Variants in BMP3 observed in about 807,000 individuals in gnomAD.
BMP3 encodes bone morphogenetic protein 3 (osteogenic).
A neutral mutation model predicts 38.1 loss-of-function variants in BMP3; 23 were observed. The ratio of observed to expected loss-of-function variants is 0.60; its 90% confidence interval spans 0.43 to 0.86. BMP3 has a LOEUF of 0.86. Among genes scored for constraint, BMP3 ranks in the 40% least tolerant of loss-of-function variants. The pLI, the probability that BMP3 is intolerant of heterozygous loss-of-function variation, is 0.00. For missense variants in BMP3, 628 were observed against 579.6 expected (o/e 1.08, Z -0.86); for synonymous variants, 258 against 225.7 (o/e 1.14, Z -1.28).
intron 1 of BMP3, among the ~76,000 whole-genome samples, chr4:81,036,057 G>A (rs568241054): frequency 7.9e-5 from 12 of 151,932 alleles, no homozygotes; most frequent in African/African-American, 2.4e-4. Context: ...TGTCATAAAC[G>A]TCTCTGAATG....
intron 1 of BMP3, 96 bp downstream of exon 1, chr4:81,031,696 G>T: frequency 7.2e-7 from 1 of 1,380,580 alleles, no homozygotes; most frequent in Non-Finnish European, 9.6e-7. Flanking sequence ...GCTTGGTGGC[G>T]CTGCCTAGGG....
In BMP3 at chr4:81,031,573, G is replaced by T. The variant is rs371721478; in HGVS notation, c.289G>T (p.Val97Phe). The T allele has an allele frequency of 2.5e-6, 4 of 1,605,732 alleles. No individual in the cohort carries two copies. Among genetic ancestry groups the T allele is most frequent in the Admixed American group, 1.7e-5 (1 of 59,252 alleles). The change falls in exon 1 of 3, where the codon GTT (valine) becomes TTT (phenylalanine). Residue 97 changes from valine to phenylalanine, a missense_variant. By Grantham distance (50) the Val-to-Phe change is conservative. Coordinates refer to ENST00000282701, the MANE Select transcript of BMP3 (RefSeq NM_001201.5). ...TCGGCTCCTGCGCGAAGGCAACACG[G>T]TTCGCAGCTTTCGGGCGGCAGCAGC... ...RPRLLREGNT[V>F]RSFRAAAAET...
chr4:81,031,310 T>C lies in BMP3; in HGVS notation c.26T>C (p.Phe9Ser). Residue 9 changes from phenylalanine to serine, a missense_variant, in exon 1 of 3, where the codon TTT becomes TCT. Phe to Ser is a radical substitution (Grantham distance 155). Transcript: ENST00000282701. Reference protein sequence around the residue: MAGASRLLFLWLGCFCVSL... With the variant: MAGASRLLSLWLGCFCVSL... Reference sequence around the variant, plus strand: ...ATGGCTGGGGCGAGCAGGCTGCTCTTTCTGTGGCTGGGCTGCTTCTGCGTG... The same window carrying C: ...ATGGCTGGGGCGAGCAGGCTGCTCTCTCTGTGGCTGGGCTGCTTCTGCGTG... 1 of 1,609,886 alleles carries C rather than the reference T, an allele frequency of 6.2e-7. No individual in the cohort carries two copies. The highest frequency in any genetic ancestry group is 8.5e-7 in the Non-Finnish European group (1 of 1,178,308).
At chr4:81,047,947 G>GAAAA (rs3042535) in intron 2 of BMP3, among the ~76,000 whole-genome samples, 31 of 91,508 alleles carry the variant, frequency 3.4e-4, no homozygotes, top group South Asian at 3.8e-4. Flanking sequence ...ACTCTGAAGA[G>GAAAA]AAAAAAAAAA....
intron 1 of BMP3, among the ~76,000 whole-genome samples, chr4:81,040,045 G>C (rs1740028199): frequency 6.6e-6 from 1 of 152,168 alleles, no homozygotes; most frequent in Admixed American, 6.5e-5. Flanking sequence ...CAGGTGCAAA[G>C]TCCCAACAAG....
rs151265807 is a variant in BMP3 at position 81,038,109 on chromosome 4, A to T, written c.316+6509A>T. ...TGATTATCATGTTATTCCTGATCTCATCTGGCCCTTTTAGTGGGCCTATCC... is the reference window on the plus strand; with the variant it reads ...TGATTATCATGTTATTCCTGATCTCTTCTGGCCCTTTTAGTGGGCCTATCC... On this transcript the variant is annotated intron_variant, in intron 1 of 2. Coordinates refer to ENST00000282701, the MANE Select transcript of BMP3 (RefSeq NM_001201.5). 4.4e-4 allele frequency among the ~76,000 whole-genome samples: 67 copies of T among 152,242 alleles called. No individual in the cohort carries two copies. In the East Asian group the frequency reaches 0.011, roughly 25 times the overall value.
chr4:81,032,416 G>A (rs1440736463), intron 1 of BMP3, among the ~76,000 whole-genome samples: 1 of 152,086 alleles, frequency 6.6e-6, no homozygotes, highest in Non-Finnish European at 1.5e-5. Context: ...GCTTAACAAG[G>A]TTTCTCCTAG....
Position 81,055,926 on chromosome 4 carries a change from G to A in BMP3, c.*2390G>A, listed in dbSNP as rs1176056775. The A allele has an allele frequency of 6.6e-6, 1 of 152,136 alleles. No homozygotes were observed. The highest frequency in any genetic ancestry group is 1.5e-5 in the Non-Finnish European group (1 of 68,016). 9.4% of individuals were successfully genotyped at this position (152,136 alleles called of 1,614,324 possible). ...GTTTTAACCAGCAGTTTTTCTGGGT[G>A]CTTTGTAACTATCATTTTACTAATG... On this transcript the variant is annotated 3_prime_UTR_variant, in exon 3 of 3. Coordinates refer to ENST00000282701, the MANE Select transcript of BMP3 (RefSeq NM_001201.5).
chr4:81,031,138 T>C lies in BMP3; in HGVS notation c.-147T>C. The C allele has an allele frequency of 5.9e-6, 5 of 849,136 alleles. No individual in the cohort carries two copies. The South Asian group carries it at 9.1e-5, about 15-fold the overall frequency. The allele number at this position is 849,136 out of a possible 1,614,324, so 52.6% of individuals were successfully genotyped here. ...GCAGCAAGTGGGGCTGGCCGCTATC[T>C]CGCTGCACCCGGCCGCGTCCCGGGC... is the stretch of plus-strand genomic sequence containing the variant. On this transcript the variant is annotated 5_prime_UTR_variant, in exon 1 of 3. Transcript: ENST00000282701.
chr4:81,042,352 C>A (rs1305424524), intron 1 of BMP3, among the ~76,000 whole-genome samples: 1 of 152,178 alleles, frequency 6.6e-6, no homozygotes, highest in East Asian at 1.9e-4. Context: ...TATGTGCCTT[C>A]TCTCAATTAA....
chr4:81,043,780 G>A (rs538068248), intron 1 of BMP3, among the ~76,000 whole-genome samples: 1 of 151,716 alleles, frequency 6.6e-6, no homozygotes, highest in African/African-American at 2.4e-5. Flanking sequence ...GTAGAGACAG[G>A]GTTTCACTAT....
At chr4:81,032,168 CACTTT>C (rs1215742816) in intron 1 of BMP3, among the ~76,000 whole-genome samples, 4 of 114,160 alleles carry the variant, frequency 3.5e-5, no homozygotes, top group African/African-American at 1.3e-4. Flanking sequence ...CTATATTTGA[CACTTT>C]ACTTGATAGT....
chr4:81,035,257 A>G (rs1011618511), intron 1 of BMP3, among the ~76,000 whole-genome samples: 2 of 152,072 alleles, frequency 1.3e-5, no homozygotes. Context: ...AAGGGAATGA[A>G]TTACATATAA....
chr4:81,052,532 A>G (rs1369139890), intron 2 of BMP3, among the ~76,000 whole-genome samples: 2 of 152,144 alleles, frequency 1.3e-5, no homozygotes, highest in Admixed American at 1.3e-4. Flanking sequence ...TTCTTTGGTG[A>G]AAGTTCTGGT....
At chr4:81,038,810 C>T (rs1177734831) in intron 1 of BMP3, among the ~76,000 whole-genome samples, 1 of 152,106 alleles carries the variant, frequency 6.6e-6, no homozygotes, top group Non-Finnish European at 1.5e-5. Flanking sequence ...CTTAAGTGCT[C>T]CAGGCTGTGT....
chr4:81,039,564 G>A (rs1280634169), intron 1 of BMP3, among the ~76,000 whole-genome samples: 6 of 152,118 alleles, frequency 3.9e-5, no homozygotes, highest in Admixed American at 3.9e-4. Context: ...TTCCTGAAAT[G>A]AGTCCTTGGT....
At position 81,046,302 on chromosome 4, in the gene BMP3, T is replaced by G. The variant is rs1740242301; in HGVS notation, c.881T>G (p.Leu294Trp). 1 of 1,613,970 alleles carries G rather than the reference T, an allele frequency of 6.2e-7. No individual in the cohort carries two copies. The highest frequency in any genetic ancestry group is 1.3e-5 in the African/African-American group (1 of 74,900). The change falls in exon 2 of 3, where the codon TTG becomes TGG. Residue 294 changes from leucine to tryptophan, a missense_variant. By Grantham distance (61) the Leu-to-Trp change is moderately conservative (BLOSUM62 -2). Coordinates refer to ENST00000282701, the MANE Select transcript of BMP3 (RefSeq NM_001201.5). ...ERRKKRSTGV[L>W]LPLQNNELPG... ...AGGAAGAAGCGCTCTACTGGGGTCT[T>G]GCTGCCTCTGCAGAACAACGAGCTT...
In BMP3 at chr4:81,053,443, G is replaced by C; in HGVS notation, c.1326G>C (p.Met442Ile). The C allele has an allele frequency of 6.2e-7, 1 of 1,611,020 alleles. No homozygotes were observed. The highest frequency in any genetic ancestry group is 8.5e-7 in the Non-Finnish European group (1 of 1,178,406). The change falls in exon 3 of 3, where the codon ATG becomes ATC. Residue 442 changes from methionine (M) to isoleucine (I), a missense_variant. Physicochemically the swap from Met to Ile is conservative, Grantham distance 10. Transcript: ENST00000282701. Reference sequence around the variant, plus strand: ...AGCCTTGCTGTGTACCAGAAAAGATGTCCTCACTCAGTATTTTATTCTTTG... The same window carrying C: ...AGCCTTGCTGTGTACCAGAAAAGATCTCCTCACTCAGTATTTTATTCTTTG... Reference protein sequence around the residue: ...IPEPCCVPEKMSSLSILFFDE... With the variant: ...IPEPCCVPEKISSLSILFFDE...
At position 81,055,806 on chromosome 4, in the gene BMP3, G is replaced by A. The variant is rs540523369; in HGVS notation, c.*2270G>A. ...AACCCACTACATAATAAAATTTACAGGTACTAACTAGTTAAGATTATATTT... is the reference window on the plus strand; with the variant it reads ...AACCCACTACATAATAAAATTTACAAGTACTAACTAGTTAAGATTATATTT... On this transcript the variant is annotated 3_prime_UTR_variant, in exon 3 of 3. Transcript: ENST00000282701. The A allele has an allele frequency of 9.2e-5, 14 of 152,102 alleles. No individual in the cohort carries two copies. Among genetic ancestry groups the A allele is most frequent in the African/African-American group, 3.1e-4 (13 of 41,510 alleles). The allele number at this position is 152,102 out of a possible 1,614,324, so 9.4% of individuals were successfully genotyped here.
Sources: gnomAD v4.1 joint callset for allele counts (sites outside exome capture counted in the v4.1 genomes callset) on GRCh38, gnomAD v4.1.1 for gene constraint, MANE v1.5 for transcripts, NCBI Gene and HGNC (gene_info 2026-07-23, HGNC 2026-07-21) for gene names.